Variants in PPME1 observed in about 807,000 individuals in gnomAD.
PPME1 encodes protein phosphatase methylesterase 1.
Under a neutral mutation model 56.9 loss-of-function variants are expected in PPME1, and 17 were observed. The observed-to-expected ratio is 0.30, with a 90% CI of 0.20 to 0.45. The LOEUF (loss-of-function observed/expected upper bound fraction) is 0.45. Among genes scored for constraint, PPME1 ranks in the 20% least tolerant of loss-of-function variants. The pLI is 1.00. For synonymous variants in PPME1, 122 were observed against 156.2 expected, an observed-to-expected ratio of 0.78 and a Z score of 1.63; for missense variants, 357 against 483.2, an observed-to-expected ratio of 0.74 and a Z score of 2.45.
At chr11:74,231,145 AC>A (rs1343254255) in intron 7 of PPME1, 143 bp downstream of exon 7, 1 of 669,302 alleles carries the variant, frequency 1.5e-6, no homozygotes, top group Non-Finnish European at 2.5e-6. Context: ...GCAACCTTGA[AC>A]TCCTAGGTTC....
At chr11:74,237,516 C>G (rs903017634) in intron 8 of PPME1, among the ~76,000 whole-genome samples, 1 of 151,746 alleles carries the variant, frequency 6.6e-6, no homozygotes, top group African/African-American at 2.4e-5. Context: ...ACCTCATGAT[C>G]CGCCCACCTC....
chr11:74,252,559 A>G, intron 13 of PPME1: 1 of 454,498 alleles, frequency 2.2e-6, no homozygotes, highest in Middle Eastern at 6.7e-4. Context: ...GCTCTAGAGC[A>G]GGGTTTTCAA....
In PPME1 at chr11:74,239,267, A is replaced by G. The variant is rs575841724; in HGVS notation, c.834+11A>G. 1 of 1,610,828 alleles carries G rather than the reference A, an allele frequency of 6.2e-7. No individual in the cohort carries two copies. The highest frequency in any genetic ancestry group is 1.7e-5 in the Admixed American group (1 of 59,238). ...GAAGATGACATGGAGGTGGGTAAAA[A>G]CATTCATTCTTGAAAAGATGCGGTA... On this transcript the variant is annotated intron_variant, in intron 9 of 13. Coordinates refer to ENST00000328257, the MANE Select transcript of PPME1 (RefSeq NM_016147.3).
At position 74,230,621 on chromosome 11, in the gene PPME1, A is replaced by G. The variant is rs1186099485; in HGVS notation, c.553+222A>G. 1.3e-5 allele frequency among the ~76,000 whole-genome samples: 2 copies of G among 152,132 alleles called. No individual in the cohort carries two copies. The highest frequency in any genetic ancestry group is 2.9e-5 in the Non-Finnish European group (2 of 68,012). Reference sequence around the variant, plus strand: ...GCTGCATAATATTTCAATCCTATGTATGTCCCATAATTGTATTTAATCATA... The same window carrying G: ...GCTGCATAATATTTCAATCCTATGTGTGTCCCATAATTGTATTTAATCATA... On this transcript the variant is annotated intron_variant, in intron 6 of 13. Coordinates refer to ENST00000328257, the MANE Select transcript of PPME1 (RefSeq NM_016147.3). The surrounding 1 kb of genome is among the most constrained non-coding windows in gnomAD (Gnocchi z 4.9).
chr11:74,247,381 AG>A (rs1859530105), intron 11 of PPME1: 1 of 426,940 alleles, frequency 2.3e-6, no homozygotes, highest in Non-Finnish European at 4.1e-6. Context: ...CAGTTATAAG[AG>A]TTAAAATGAG....
intron 1 of PPME1, among the ~76,000 whole-genome samples, chr11:74,190,834 C>T (rs961514924): frequency 6.6e-6 from 1 of 152,174 alleles, no homozygotes; most frequent in Non-Finnish European, 1.5e-5. Flanking sequence ...AATGAGGTCT[C>T]AGATGGAAAT....
At chr11:74,198,576 C>T (rs1046472751) in intron 1 of PPME1, among the ~76,000 whole-genome samples, 1 of 152,124 alleles carries the variant, frequency 6.6e-6, no homozygotes, top group Admixed American at 6.5e-5. Context: ...ATCCTCCTGC[C>T]TCAGCCTCCT....
intron 1 of PPME1, among the ~76,000 whole-genome samples, chr11:74,174,095 A>G (rs10501413): frequency 0.13 from 20,022 of 152,190 alleles, 3,610 homozygotes; most frequent in African/African-American, 0.41. Context: ...CCTTAGAATC[A>G]TAAAGCTGAG....
intron 7 of PPME1, among the ~76,000 whole-genome samples, chr11:74,233,529 T>C (rs1487480259): frequency 2.6e-5 from 4 of 151,528 alleles, no homozygotes; most frequent in African/African-American, 9.7e-5. Context: ...ACCTGGGCTT[T>C]AGGCCAGGTG....
intron 3 of PPME1, among the ~76,000 whole-genome samples, chr11:74,217,159 C>T (rs910183348): frequency 6.6e-6 from 1 of 151,950 alleles, no homozygotes; most frequent in African/African-American, 2.4e-5. Context: ...CAGACAAAAA[C>T]AAAAAAACTA....
chr11:74,200,255 A>G (rs1051124171), intron 1 of PPME1, among the ~76,000 whole-genome samples: 6 of 152,230 alleles, frequency 3.9e-5, no homozygotes, highest in Non-Finnish European at 8.8e-5. Context: ...TGTTCTGACT[A>G]AAATACAAAA....
At chr11:74,241,834 G>A (rs1252802013) in intron 9 of PPME1, among the ~76,000 whole-genome samples, 42 of 151,940 alleles carry the variant, frequency 2.8e-4, no homozygotes, top group Admixed American at 2.8e-3. Context: ...TTTTACTTGG[G>A]TTATTTGATT....
intron 3 of PPME1, among the ~76,000 whole-genome samples, chr11:74,220,187 T>A (rs1031286496): frequency 4.6e-5 from 7 of 152,186 alleles, no homozygotes; most frequent in Non-Finnish European, 8.8e-5. Context: ...GAACCTGTTT[T>A]GTTCGCCAAA....
intron 1 of PPME1, among the ~76,000 whole-genome samples, chr11:74,198,090 T>C (rs1437569025): frequency 2.0e-5 from 3 of 152,246 alleles, no homozygotes; most frequent in East Asian, 1.9e-4. Context: ...AAAAAAATTA[T>C]ACAGTTACCT....
At position 74,198,835 on chromosome 11, in the gene PPME1, A is replaced by T. The variant is rs1283585931; in HGVS notation, c.102-4893A>T. 5.3e-5 allele frequency: 8 copies of T among 152,204 alleles called. No homozygotes were observed. The East Asian group carries it at 1.5e-3, about 29-fold the overall frequency. 9.4% of individuals were successfully genotyped at this position (152,204 alleles called of 1,614,324 possible). Reference sequence around the variant, plus strand: ...AGATCAGATGAGATCGGGTGCATTCAGGGTGTTACGGCCATAGACTGGCTC... The same window carrying T: ...AGATCAGATGAGATCGGGTGCATTCTGGGTGTTACGGCCATAGACTGGCTC... On this transcript the variant is annotated intron_variant, in intron 1 of 13. Coordinates refer to ENST00000328257, the MANE Select transcript of PPME1 (RefSeq NM_016147.3).
chr11:74,182,586 C>T (rs944687622), intron 1 of PPME1, among the ~76,000 whole-genome samples: 11 of 152,228 alleles, frequency 7.2e-5, no homozygotes, highest in East Asian at 5.8e-4. Context: ...TCTCAAACTC[C>T]TGACCTCAAG....
intron 9 of PPME1, among the ~76,000 whole-genome samples, chr11:74,240,169 C>T (rs1489331920): frequency 6.6e-6 from 1 of 152,090 alleles, no homozygotes; most frequent in African/African-American, 2.4e-5. Context: ...GTCTGTATGA[C>T]ACACCTTAGC....
chr11:74,231,115 T>A, intron 7 of PPME1, 113 bp downstream of exon 7: 1 of 883,116 alleles, frequency 1.1e-6, no homozygotes, highest in Non-Finnish European at 1.8e-6. Context: ...TGGAGTGCAG[T>A]GGCATGATCC....
chr11:74,202,530 C>T (rs1858197641), intron 1 of PPME1, among the ~76,000 whole-genome samples: 1 of 152,102 alleles, frequency 6.6e-6, no homozygotes, highest in Non-Finnish European at 1.5e-5. Context: ...TTGTATCATA[C>T]TTTGTAGATA....
Sources: gnomAD v4.1 joint callset for allele counts (sites outside exome capture counted in the v4.1 genomes callset) on GRCh38, gnomAD v4.1.1 for gene constraint, Gnocchi (gnomAD v3.1) non-coding constraint, MANE v1.5 for transcripts, NCBI Gene and HGNC (gene_info 2026-07-23, HGNC 2026-07-21) for gene names.